ROBO2: variants seen among roughly 807,000 people sequenced by gnomAD.
The protein encoded by ROBO2 is roundabout homolog 2.
In ROBO2, 53 loss-of-function variants were observed where a neutral mutation model predicts 160.8. The ratio of observed to expected loss-of-function variants is 0.33; its 90% CI spans 0.26 to 0.41. ROBO2 has a LOEUF of 0.41. ROBO2 is among the 10% of genes least tolerant of loss of function. ROBO2 has a pLI of 1.00. For synonymous variants in ROBO2, 664 were observed against 611.7 expected, an observed-to-expected ratio of 1.09 and a Z score of -1.26; for missense variants, 1,577 against 1,722.4, an observed-to-expected ratio of 0.92 and a Z score of 1.49.
chr3:77,035,726 C>T (rs1297594321), upstream of ROBO2, among the ~76,000 whole-genome samples: 2 of 151,756 alleles, frequency 1.3e-5, no homozygotes, highest in African/African-American at 4.8e-5. Context: ...TCTTGGCTCC[C>T]TCAGATCCTT....
At chr3:77,533,688 G>A (rs528852917) in intron 6 of ROBO2, among the ~76,000 whole-genome samples, 5 of 152,210 alleles carry the variant, frequency 3.3e-5, no homozygotes, top group Non-Finnish European at 7.4e-5. Context: ...GTAGCTCTCC[G>A]AGGCCTCTTT....
intron 2 of ROBO2, among the ~76,000 whole-genome samples, chr3:77,244,926 T>A (rs6770746): frequency 0.86 from 125,143 of 145,338 alleles, 54,060 homozygotes; most frequent in East Asian, 0.99. Flanking sequence ...AAATCCCAAC[T>A]GAAGTATATG....
intron 2 of ROBO2, among the ~76,000 whole-genome samples, chr3:76,215,912 A>C (rs1457151358): frequency 6.6e-6 from 1 of 152,186 alleles, no homozygotes; most frequent in Non-Finnish European, 1.5e-5. Flanking sequence ...GCCAGAGAGA[A>C]AGGTCAGGTA....
chr3:77,373,580 T>C (rs905299245), intron 2 of ROBO2, among the ~76,000 whole-genome samples: 3 of 152,112 alleles, frequency 2.0e-5, no homozygotes, highest in African/African-American at 7.2e-5. Context: ...AATATCAAAA[T>C]TGCGAGTGAG....
chr3:77,165,665 CAT>C (rs1398586649), intron 2 of ROBO2, among the ~76,000 whole-genome samples: 2 of 151,972 alleles, frequency 1.3e-5, no homozygotes, highest in Non-Finnish European at 2.9e-5. Flanking sequence ...TGAAGTATAA[CAT>C]ATATACAGAA....
intron 2 of ROBO2, among the ~76,000 whole-genome samples, chr3:77,426,532 A>T (rs2078221900): frequency 6.6e-6 from 1 of 151,938 alleles, no homozygotes; most frequent in African/African-American, 2.4e-5. Context: ...CTTTTTCTTG[A>T]TCATAAAGGG....
chr3:76,129,943 G>T (rs1248947657), intron 2 of ROBO2, among the ~76,000 whole-genome samples: 1 of 151,950 alleles, frequency 6.6e-6, no homozygotes, highest in African/African-American at 2.4e-5. Flanking sequence ...TGATGGATCT[G>T]AAGTATAAAA....
At chr3:76,637,774 A>G (rs1486204888) in intron 2 of ROBO2, among the ~76,000 whole-genome samples, 1 of 152,186 alleles carries the variant, frequency 6.6e-6, no homozygotes, top group Non-Finnish European at 1.5e-5. Flanking sequence ...TTTATATTAT[A>G]CCATAAGACT....
At chr3:76,427,494 C>A (rs1275104201) in intron 2 of ROBO2, among the ~76,000 whole-genome samples, 2 of 152,058 alleles carry the variant, frequency 1.3e-5, no homozygotes, top group Admixed American at 6.5e-5. Context: ...CAGAAGCAGA[C>A]CTGTGGCTGC....
In ROBO2 at chr3:77,096,275, G is replaced by A. The variant is rs533426493; in HGVS notation, c.62-1739G>A. Among the ~76,000 whole-genome samples, 19 of 152,084 alleles carry A rather than the reference G, an allele frequency of 1.2e-4. No individual in the cohort carries two copies. In the South Asian group the frequency reaches 3.9e-3, roughly 32 times the overall value. ...ATATAATCATTATGTCCCCATATAT[G>A]GTGATTCCTCTCAGCATCTCCTTTT... On this transcript the variant is annotated intron_variant, in intron 1 of 25. Coordinates refer to ENST00000461745, the Ensembl canonical transcript of ROBO2.
chr3:77,212,928 C>G (rs535142380), intron 2 of ROBO2, among the ~76,000 whole-genome samples: 1 of 152,302 alleles, frequency 6.6e-6, no homozygotes, highest in Admixed American at 6.5e-5. Flanking sequence ...ATGAAGCCCA[C>G]TTGATCATGG....
chr3:77,145,852 G>C (rs969331758), intron 2 of ROBO2, among the ~76,000 whole-genome samples: 1 of 152,092 alleles, frequency 6.6e-6, no homozygotes, highest in Non-Finnish European at 1.5e-5. Flanking sequence ...CTTCAGTCCA[G>C]TGTGGCATTA....
intron 2 of ROBO2, among the ~76,000 whole-genome samples, chr3:76,129,301 G>A (rs1368557598): frequency 1.3e-5 from 2 of 152,044 alleles, no homozygotes; most frequent in Non-Finnish European, 2.9e-5. Context: ...TGCACTCTAA[G>A]GATATTAAAC....
chr3:76,602,210 G>C (rs537122489), intron 2 of ROBO2, among the ~76,000 whole-genome samples: 2 of 152,032 alleles, frequency 1.3e-5, no homozygotes, highest in Admixed American at 1.3e-4. Flanking sequence ...ACATTTTTCT[G>C]TCTTCTTCTG....
Position 76,646,945 on chromosome 3 carries a change from G to T in ROBO2, c.110-451069G>T, listed in dbSNP as rs181155329. 4.2e-3 allele frequency among the ~76,000 whole-genome samples: 632 copies of T among 152,266 alleles called. 5 individuals carry two copies. The highest frequency in any genetic ancestry group is 5.5e-3 in the Non-Finnish European group (374 of 68,024). Reference sequence around the variant, plus strand: ...AGTCATCACCACCCCTATGGCTGGGGGAACAAAGGGAAGAGGCTGGCCTTA... The same window carrying T: ...AGTCATCACCACCCCTATGGCTGGGTGAACAAAGGGAAGAGGCTGGCCTTA... On this transcript the variant is annotated intron_variant, in intron 2 of 26. Coordinates refer to the ROBO2 transcript ENST00000487694.
At chr3:76,333,817 A>C (rs917833253) in intron 2 of ROBO2, among the ~76,000 whole-genome samples, 18 of 152,174 alleles carry the variant, frequency 1.2e-4, no homozygotes, top group African/African-American at 3.4e-4. Context: ...AAACATACTA[A>C]AAATGATGGT....
At chr3:77,479,736 C>G (rs182245297) in intron 3 of ROBO2, among the ~76,000 whole-genome samples, 2 of 152,230 alleles carry the variant, frequency 1.3e-5, no homozygotes, top group African/African-American at 4.8e-5. Flanking sequence ...GCATTTAGCT[C>G]TTGCCTATTT....
intron 2 of ROBO2, among the ~76,000 whole-genome samples, chr3:76,756,235 A>C (rs745907816): frequency 2.0e-5 from 3 of 151,910 alleles, no homozygotes; most frequent in Non-Finnish European, 2.9e-5. Context: ...AAAGACTCCC[A>C]ATTACCAATA....
At chr3:77,494,003 C>T (rs1177510435) in intron 5 of ROBO2, among the ~76,000 whole-genome samples, 2 of 152,166 alleles carry the variant, frequency 1.3e-5, no homozygotes, top group Admixed American at 6.5e-5. Context: ...AACCCAATCT[C>T]TCAAACTCTA....
Sources: gnomAD v4.1 joint callset for allele counts (sites outside exome capture counted in the v4.1 genomes callset) on GRCh38, gnomAD v4.1.1 for gene constraint, MANE v1.5 for transcripts, NCBI Gene and HGNC (gene_info 2026-07-23, HGNC 2026-07-21) for gene names.